Variants in B3GLCT observed in about 807,000 individuals in gnomAD.
B3GLCT encodes the protein beta 3-glucosyltransferase.
A neutral mutation model predicts 63.4 loss-of-function variants in B3GLCT; 65 were observed. The observed-to-expected ratio is 1.03, with a 90% CI of 0.84 to 1.26. B3GLCT has a LOEUF of 1.26. Ranked by LOEUF, B3GLCT falls within the 50% of genes most tolerant of loss-of-function variation. B3GLCT has a pLI of 0.00. For synonymous variants in B3GLCT, 233 were observed against 219.2 expected (o/e 1.06, Z -0.55); for missense variants, 577 against 604.8 (o/e 0.95, Z 0.48).
chr13:31,290,276 T>A (rs1187704491), intron 12 of B3GLCT, among the ~76,000 whole-genome samples: 1 of 152,228 alleles, frequency 6.6e-6, no homozygotes, highest in East Asian at 1.9e-4. Flanking sequence ...CGATGGGCAT[T>A]TGGGTTGGTT....
chr13:31,235,522 G>A (rs972120383), intron 4 of B3GLCT, among the ~76,000 whole-genome samples: 6 of 151,966 alleles, frequency 3.9e-5, no homozygotes, highest in South Asian at 2.1e-4. Flanking sequence ...GGACTGGCCC[G>A]TCAAATTGCC....
At chr13:31,216,758 A>G (rs1869583200) in intron 2 of B3GLCT, among the ~76,000 whole-genome samples, 1 of 152,122 alleles carries the variant, frequency 6.6e-6, no homozygotes, top group African/African-American at 2.4e-5. Context: ...AGCTCCATCC[A>G]TGTTGCTGCA....
chr13:31,297,935 A>G (rs1874040644), intron 12 of B3GLCT, among the ~76,000 whole-genome samples: 2 of 152,204 alleles, frequency 1.3e-5, no homozygotes, highest in Non-Finnish European at 2.9e-5. Context: ...CATGCCCTCC[A>G]GGAACTCCAC....
intron 1 of B3GLCT, among the ~76,000 whole-genome samples, chr13:31,201,128 C>T (rs1868645390): frequency 6.6e-6 from 1 of 151,540 alleles, no homozygotes; most frequent in African/African-American, 2.4e-5. Flanking sequence ...TGTCCTCTAA[C>T]CCAGACTTGC....
intron 3 of B3GLCT, among the ~76,000 whole-genome samples, chr13:31,227,329 TA>T (rs201525675): frequency 0.031 from 4,678 of 150,872 alleles, 133 homozygotes; most frequent in South Asian, 0.11. Flanking sequence ...TTTATTAAAT[TA>T]AAAAAAAAAT....
At chr13:31,325,673 A>T (rs1875569600) in intron 14 of B3GLCT, among the ~76,000 whole-genome samples, 1 of 152,228 alleles carries the variant, frequency 6.6e-6, no homozygotes, top group Non-Finnish European at 1.5e-5. Flanking sequence ...CCTCCCCAAC[A>T]GATAATGCTG....
chr13:31,214,992 A>G (rs1869477188), intron 1 of B3GLCT, 59 bp from the exon 2 acceptor site: 2 of 1,472,266 alleles, frequency 1.4e-6, no homozygotes, highest in Non-Finnish European at 9.3e-7. Context: ...GTTGGATGTG[A>G]GAATTAACCT....
In B3GLCT at chr13:31,308,347, T is replaced by TTAAAAAAA. The variant is rs1450252463; in HGVS notation, c.1065-9219_1065-9218insTAAAAAAA. Among the ~76,000 whole-genome samples the TTAAAAAAA allele has an allele frequency of 1.5e-3, 35 of 23,684 alleles. 4 individuals are homozygous for TTAAAAAAA. The highest frequency in any genetic ancestry group is 0.013 in the East Asian group (9 of 682). 15.5% of individuals were successfully genotyped at this position (23,684 alleles called of 152,430 possible). ...TAGAGTATAATAAAAAAAAAAAAAT[T>TTAAAAAAA]AAAAAAAAAAAAACAAAAAAAAAAG... is the stretch of plus-strand genomic sequence containing the variant. On this transcript the variant is annotated intron_variant, in intron 12 of 14. Transcript: ENST00000343307.
At chr13:31,299,906 T>C (rs1874141075) in intron 12 of B3GLCT, among the ~76,000 whole-genome samples, 2 of 152,202 alleles carry the variant, frequency 1.3e-5, no homozygotes, top group African/African-American at 4.8e-5. Flanking sequence ...CCTAACTGTA[T>C]GGGCAGGCAA....
chr13:31,224,953 T>C (rs1252099854), intron 3 of B3GLCT, among the ~76,000 whole-genome samples: 8 of 152,182 alleles, frequency 5.3e-5, no homozygotes. Flanking sequence ...ATAGAGAGCA[T>C]TGGTTTCTTC....
intron 12 of B3GLCT, among the ~76,000 whole-genome samples, chr13:31,316,434 T>TATATATATATATATATATATATATAGA (rs1566096071): frequency 9.0e-6 from 1 of 110,844 alleles, no homozygotes; most frequent in Non-Finnish European, 1.8e-5. Context: ...TATATATAAA[T>TATATATATATATATATATATATATAGA]TTTTTTTTTT....
intron 10 of B3GLCT, 105 bp from the exon 11 acceptor site, chr13:31,284,542 AC>A: frequency 1.3e-6 from 1 of 743,814 alleles, no homozygotes; most frequent in Non-Finnish European, 2.4e-6. Context: ...CTGAAGAACA[AC>A]CAGTAATGTT....
intron 1 of B3GLCT, among the ~76,000 whole-genome samples, chr13:31,200,515 C>T (rs1444897778): frequency 6.7e-6 from 1 of 150,338 alleles, no homozygotes; most frequent in Non-Finnish European, 1.5e-5. Flanking sequence ...GGAACTGTGC[C>T]ACCGAAGAAA....
chr13:31,247,657 G>C, intron 5 of B3GLCT, among the ~76,000 whole-genome samples, 198 bp from the exon 6 acceptor site: 1 of 152,214 alleles, frequency 6.6e-6, no homozygotes, highest in South Asian at 2.1e-4. Flanking sequence ...TTGTTATGGA[G>C]AGAATTAACT....
chr13:31,283,880 A>C (rs1014083068), intron 10 of B3GLCT, among the ~76,000 whole-genome samples: 20 of 152,236 alleles, frequency 1.3e-4, no homozygotes, highest in Admixed American at 3.9e-4. Context: ...AAAAACAAGA[A>C]ACCACTTTTT....
At chr13:31,301,242 C>T (rs1424075993) in intron 12 of B3GLCT, among the ~76,000 whole-genome samples, 1 of 152,176 alleles carries the variant, frequency 6.6e-6, no homozygotes, top group Non-Finnish European at 1.5e-5. Context: ...ACTCACAAAC[C>T]TTTGCCATAA....
intron 6 of B3GLCT, among the ~76,000 whole-genome samples, chr13:31,250,195 A>G (rs1331679521): frequency 6.6e-6 from 1 of 152,066 alleles, no homozygotes; most frequent in Non-Finnish European, 1.5e-5. Flanking sequence ...ATTTTTTGAG[A>G]CAGAGTCTCG....
At chr13:31,228,701 G>A (rs946632251) in intron 3 of B3GLCT, among the ~76,000 whole-genome samples, 17 of 152,300 alleles carry the variant, frequency 1.1e-4, no homozygotes, top group African/African-American at 4.1e-4. Context: ...CCTCTGTGAA[G>A]ACCCAATTCT....
intron 12 of B3GLCT, among the ~76,000 whole-genome samples, chr13:31,308,347 T>TTAAAAAAAAAAAA (rs1450252463): frequency 9.3e-4 from 22 of 23,676 alleles, no homozygotes; most frequent in East Asian, 7.4e-3. Flanking sequence ...AAAAAAAAAT[T>TTAAAAAAAAAAAA]AAAAAAAAAA....
Sources: allele counts gnomAD v4.1 joint callset (sites outside exome capture counted in the v4.1 genomes callset), GRCh38; gene constraint gnomAD v4.1.1; transcripts MANE v1.5; gene names NCBI Gene and HGNC (gene_info 2026-07-23, HGNC 2026-07-21).